GRB14: variants seen among roughly 807,000 people sequenced by gnomAD.
The protein encoded by GRB14 is growth factor receptor-bound protein 14.
In GRB14, 38 loss-of-function variants were observed where a neutral mutation model predicts 69.1. That is an observed-to-expected ratio of 0.55 (90% CI 0.42 to 0.72). The LOEUF (loss-of-function observed/expected upper bound fraction) is 0.72, where lower values mean the gene tolerates loss of function less well. Ranked by LOEUF, GRB14 falls within the 30% of genes least tolerant of loss-of-function variation. GRB14 has a pLI of 0.00. For missense variants in GRB14, 666 were observed against 666.1 expected (o/e 1.00, Z 0.00); for synonymous variants, 247 against 241.3 (o/e 1.02, Z -0.22).
chr2:164,505,428 C>T (rs1158725157), intron 8 of GRB14, among the ~76,000 whole-genome samples: 2 of 152,160 alleles, frequency 1.3e-5, no homozygotes, highest in African/African-American at 2.4e-5. Flanking sequence ...AGTGATTTGT[C>T]ATTGCCCGAA....
chr2:164,542,386 C>T (rs2105305297), intron 3 of GRB14, among the ~76,000 whole-genome samples: 1 of 152,154 alleles, frequency 6.6e-6, no homozygotes, highest in Admixed American at 6.5e-5. Flanking sequence ...GCAACAAAAA[C>T]AAAAATAGAC....
intron 6 of GRB14, among the ~76,000 whole-genome samples, chr2:164,512,052 G>A (rs1426632543): frequency 6.6e-6 from 1 of 152,174 alleles, no homozygotes; most frequent in Non-Finnish European, 1.5e-5. Flanking sequence ...CTCTGCCAGT[G>A]AAAAGTGGGG....
At chr2:164,587,409 A>G (rs1358155980) in intron 2 of GRB14, among the ~76,000 whole-genome samples, 1 of 152,170 alleles carries the variant, frequency 6.6e-6, no homozygotes, top group Non-Finnish European at 1.5e-5. Flanking sequence ...ACTTTGTTCA[A>G]GATAGTTCCT....
intron 2 of GRB14, among the ~76,000 whole-genome samples, chr2:164,603,093 T>C (rs1268784278): frequency 6.6e-6 from 1 of 152,102 alleles, no homozygotes; most frequent in Non-Finnish European, 1.5e-5. Flanking sequence ...TACCTCAGGG[T>C]CCCATTTAAA....
intron 2 of GRB14, among the ~76,000 whole-genome samples, chr2:164,557,275 G>C (rs926038267): frequency 3.3e-5 from 5 of 152,184 alleles, no homozygotes; most frequent in Non-Finnish European, 4.4e-5. Flanking sequence ...CAGGCAGCCT[G>C]AGGAGGGGGT....
At chr2:164,611,422 A>G (rs1047518226) in intron 2 of GRB14, among the ~76,000 whole-genome samples, 1 of 152,114 alleles carries the variant, frequency 6.6e-6, no homozygotes, top group Non-Finnish European at 1.5e-5. Context: ...ATGAAGCAGT[A>G]CTTAACAAGA....
At chr2:164,541,565 T>A (rs1688240308) in intron 3 of GRB14, among the ~76,000 whole-genome samples, 2 of 151,708 alleles carry the variant, frequency 1.3e-5, no homozygotes, top group Non-Finnish European at 2.9e-5. Flanking sequence ...CAGTGAGCCA[T>A]GACTCCACCA....
At position 164,619,806 on chromosome 2, in the gene GRB14, C is replaced by A. The variant is rs753630101; in HGVS notation, c.205G>T (p.Asp69Tyr). Residue 69 changes from aspartate to tyrosine, a missense_variant, in exon 2 of 14, where the codon GAT becomes TAT. Asp to Tyr is a radical substitution (Grantham distance 160). Transcript: ENST00000263915. ...GATGGCATTTCCGGAACATCAAGAT[C>A]TTTCTTTTTTCTCCTACAGTAAGAG... ...GCAADRRKKKDLDVPEMPSIP... is the reference protein window; with the variant it reads ...GCAADRRKKKYLDVPEMPSIP... 1.2e-6 allele frequency: 2 copies of A among 1,609,078 alleles called. No individual in the cohort carries two copies. The highest frequency in any genetic ancestry group is 4.5e-5 in the East Asian group (2 of 44,808).
At chr2:164,537,541 T>A (rs1236929417) in intron 3 of GRB14, among the ~76,000 whole-genome samples, 1 of 152,088 alleles carries the variant, frequency 6.6e-6, no homozygotes, top group Admixed American at 6.6e-5. Context: ...CAGAGGACCT[T>A]GGATCCAAAT....
At chr2:164,611,044 T>C (rs191797186) in intron 2 of GRB14, among the ~76,000 whole-genome samples, 13 of 151,646 alleles carry the variant, frequency 8.6e-5, no homozygotes, top group Non-Finnish European at 1.6e-4. Context: ...GCCTTGGAGA[T>C]AGAAAAAAAA....
intron 2 of GRB14, 90 bp from the exon 3 acceptor site, chr2:164,547,906 GATATT>G: frequency 1.4e-6 from 1 of 706,168 alleles, no homozygotes; most frequent in Non-Finnish European, 2.2e-6. Context: ...TATACAACAC[GATATT>G]ATGAGATATA....
At chr2:164,539,212 C>T (rs747784072) in intron 3 of GRB14, among the ~76,000 whole-genome samples, 1 of 152,094 alleles carries the variant, frequency 6.6e-6, no homozygotes, top group Non-Finnish European at 1.5e-5. Context: ...TGGTGGCTCA[C>T]GCCTGTAATC....
At chr2:164,607,567 C>G (rs905856799) in intron 2 of GRB14, among the ~76,000 whole-genome samples, 1 of 152,170 alleles carries the variant, frequency 6.6e-6, no homozygotes, top group Non-Finnish European at 1.5e-5. Flanking sequence ...TGAACTCCAT[C>G]AGAGCTAAAA....
At chr2:164,494,316 T>C (rs1327373200) in intron 13 of GRB14, 115 bp downstream of exon 13, 1 of 635,700 alleles carries the variant, frequency 1.6e-6, no homozygotes. Context: ...CCAAATTATA[T>C]TTAATAAAAA....
intron 2 of GRB14, among the ~76,000 whole-genome samples, chr2:164,574,227 A>AGAGG: frequency 6.6e-6 from 1 of 151,620 alleles, no homozygotes; most frequent in South Asian, 2.1e-4. Context: ...AACCAAATTG[A>AGAGG]GAGGAAAAAT....
rs961005946 is a variant in GRB14 at position 164,582,023 on chromosome 2, A to C, written c.325-34207T>G. On this transcript the variant is annotated intron_variant, in intron 2 of 13. Coordinates refer to ENST00000263915, the MANE Select transcript of GRB14 (RefSeq NM_004490.3). ...CTTTTGTCCAGCTTATTCAGACCCA[A>C]GACTTCAATTAACAATTTATAGAAA... 1.4e-4 allele frequency among the ~76,000 whole-genome samples: 21 copies of C among 152,326 alleles called. No homozygotes were observed. In the East Asian group the frequency reaches 1.9e-3, roughly 14 times the overall value.
In GRB14 at chr2:164,493,003, C is replaced by A. The variant is rs934234315; in HGVS notation, c.*33G>T. On this transcript the variant is annotated 3_prime_UTR_variant, in exon 14 of 14. Transcript: ENST00000263915. ...TTATTATTTTTCTTGAGTCCTTTTC[C>A]TTCAATAGTTTAATAAGTCACTTCT... is the stretch of plus-strand genomic sequence containing the variant. 1.1e-5 allele frequency: 18 copies of A among 1,574,156 alleles called. No homozygotes were observed. Among genetic ancestry groups the A allele is most frequent in the Non-Finnish European group, 1.6e-5 (18 of 1,159,810 alleles).
intron 2 of GRB14, among the ~76,000 whole-genome samples, chr2:164,609,149 C>T (rs1434190480): frequency 1.3e-5 from 2 of 152,208 alleles, no homozygotes; most frequent in Non-Finnish European, 2.9e-5. Context: ...AAACCCACCT[C>T]CTTCAAGACT....
Position 164,497,378 on chromosome 2 carries a change from C to T in GRB14, c.1217G>A (p.Trp406Ter). Reference protein sequence around the residue: ...LSVAVEEGLAWRKKGCLRLGT... With the variant: ...LSVAVEEGLA ...AGCATGTGAAGCTACTTGTACCCTC[C>T]AAGCGAGTCCTTCTTCAACCGCAAC... Residue 406 changes from tryptophan (W) to a stop codon, truncating the protein, a stop_gained, in exon 10 of 14, where the codon TGG (tryptophan) becomes TAG (stop). Coordinates refer to ENST00000263915, the MANE Select transcript of GRB14 (RefSeq NM_004490.3). LOFTEE classifies it high-confidence loss of function. The T allele has an allele frequency of 6.2e-7, 1 of 1,611,832 alleles. No homozygotes were observed. The highest frequency in any genetic ancestry group is 2.2e-5 in the East Asian group (1 of 44,860).
Sources: allele counts gnomAD v4.1 joint callset (sites outside exome capture counted in the v4.1 genomes callset), GRCh38; gene constraint gnomAD v4.1.1; transcripts MANE v1.5; gene names NCBI Gene and HGNC (gene_info 2026-07-23, HGNC 2026-07-21).